AP1M2: variants seen among roughly 807,000 people sequenced by gnomAD.
AP1M2 encodes the protein AP-1 complex subunit mu-2.
Under a neutral mutation model 54.6 loss-of-function variants are expected in AP1M2, and 41 were observed. The observed-to-expected ratio is 0.75, with a 90% CI of 0.59 to 0.97. The LOEUF (loss-of-function observed/expected upper bound fraction) is 0.97. Ranked by LOEUF, AP1M2 falls within the 50% of genes least tolerant of loss-of-function variation. The pLI is 0.00. For missense variants in AP1M2, 507 were observed against 561.2 expected, an observed-to-expected ratio of 0.90 and a Z score of 0.98; for synonymous variants, 219 against 215.9, an observed-to-expected ratio of 1.01 and a Z score of -0.13.
Position 10,574,399 on chromosome 19 carries a change from G to A in AP1M2, c.1249+18C>T, listed in dbSNP as rs546487035. 6 of 1,541,912 alleles carry A rather than the reference G, an allele frequency of 3.9e-6. No individual in the cohort carries two copies. The South Asian group carries it at 6.0e-5, about 15-fold the overall frequency. On this transcript the variant is annotated intron_variant, in intron 11 of 11. Transcript: ENST00000250244. ...CCTTTCCCTCACCCCATTGTCCCCA[G>A]GAGCTGGGCTGCCTTACCGCCACTC...
At chr19:10,581,233 A>G (rs1452222800) in intron 6 of AP1M2, 33 bp downstream of exon 6, 1 of 1,589,530 alleles carries the variant, frequency 6.3e-7, no homozygotes, top group Non-Finnish European at 8.6e-7. Context: ...TCCCCTGTGC[A>G]TTTCTCAGAA....
In AP1M2 at chr19:10,587,227, G is replaced by T. The variant is rs534970231; in HGVS notation, c.5C>A (p.Ser2Tyr). The change falls in exon 1 of 12, where the codon TCC (serine) becomes TAC (tyrosine). Residue 2 changes from serine to tyrosine, a missense_variant. By Grantham distance (144) the Ser-to-Tyr change is moderately radical (BLOSUM62 -2). Transcript: ENST00000250244. Reference protein sequence around the residue: MSASAVFILDVK... With the variant: MYASAVFILDVK... ...GTCCAGAATGAAGACAGCCGAGGCG[G>T]ACATGGTGGCGGCCGAAGGACTTAG... The T allele has an allele frequency of 7.7e-6, 12 of 1,564,140 alleles. No homozygotes were observed. The South Asian group carries it at 1.1e-4, about 14-fold the overall frequency.
At chr19:10,585,286 A>AGAAAGAAAGAAAGAAGGAAGGAAGGAAG (rs1446294309) in intron 1 of AP1M2, among the ~76,000 whole-genome samples, 24 of 58,092 alleles carry the variant, frequency 4.1e-4, no homozygotes, top group Non-Finnish European at 9.6e-4. Context: ...GAAGAAAAAA[A>AGAAAGAAAGAAAGAAGGAAGGAAGGAAG]GAAAGAAAGA....
chr19:10,581,617 C>T lies in AP1M2; in HGVS notation c.416G>A (p.Ser139Asn). Reference sequence around the variant, plus strand: ...TGACTTGCCCGTCTCCAGCTTGTTGCTCTGCTGAGTGATGTACCTGGAGGG... The same window carrying T: ...TGACTTGCCCGTCTCCAGCTTGTTGTTCTGCTGAGTGATGTACCTGGAGGG... ...KILQEYITQQ[S>N]NKLETGKSRV... The change falls in exon 5 of 12, where the codon AGC becomes AAC. Residue 139 changes from serine (S) to asparagine (N), a missense_variant. Ser to Asn is a conservative substitution (Grantham distance 46). Transcript: ENST00000250244. 2 of 1,613,954 alleles carry T rather than the reference C, an allele frequency of 1.2e-6. No individual in the cohort carries two copies. The highest frequency in any genetic ancestry group is 1.7e-6 in the Non-Finnish European group (2 of 1,179,962).
rs776644129 is a variant in AP1M2 at position 10,581,836 on chromosome 19, G to A, written c.310C>T (p.Arg104Trp). 21 of 1,613,792 alleles carry A rather than the reference G, an allele frequency of 1.3e-5. No homozygotes were observed. Among genetic ancestry groups the A allele is most frequent in the South Asian group, 5.5e-5 (5 of 91,030 alleles). Residue 104 changes from arginine (R) to tryptophan (W), a missense_variant, in exon 4 of 12, where the codon CGG becomes TGG. Transcript: ENST00000250244. ...YFKELEEESIRDNFVIVYELL... is the reference protein window; with the variant it reads ...YFKELEEESIWDNFVIVYELL... ...TCGTAGACGATGACAAAGTTGTCCC[G>A]GATGCTCTCCTCCTCCAGCTCCTTG...
chr19:10,573,075 A>T lies in AP1M2; in HGVS notation c.1263T>A (p.Arg421=), dbSNP rs1404736676. 1 of 1,564,994 alleles carries T rather than the reference A, an allele frequency of 6.4e-7. No homozygotes were observed. Among genetic ancestry groups the T allele is most frequent in the East Asian group, 2.4e-5 (1 of 42,072 alleles). ...CCATCTCTTCTCCCTTCTAGCTGGT[A>T]CGAAGTTGGTAATCTGCAGAGAAAG... ...YITQSGDYQL[R]TS Residue 421 remains arginine (R), a synonymous_variant, in exon 12 of 12, where the codon CGT becomes CGA. Coordinates refer to ENST00000250244, the MANE Select transcript of AP1M2 (RefSeq NM_005498.5).
intron 1 of AP1M2, 121 bp downstream of exon 1, chr19:10,587,069 G>C: frequency 8.9e-7 from 1 of 1,127,938 alleles, no homozygotes; most frequent in Non-Finnish European, 1.3e-6. Flanking sequence ...GGATTCCCAG[G>C]GATTGCAGGG....
intron 3 of AP1M2, 74 bp from the exon 4 acceptor site, chr19:10,581,952 C>G: frequency 6.8e-7 from 1 of 1,470,116 alleles, no homozygotes; most frequent in Non-Finnish European, 9.0e-7. Flanking sequence ...GCCTGTAACC[C>G]CAGCACCTTG....
At chr19:10,584,407 C>T (rs1474240883) in intron 1 of AP1M2, among the ~76,000 whole-genome samples, 4 of 152,094 alleles carry the variant, frequency 2.6e-5, no homozygotes, top group African/African-American at 7.2e-5. Flanking sequence ...GGTGAAACCC[C>T]GTCTTTACTA....
intron 8 of AP1M2, among the ~76,000 whole-genome samples, chr19:10,578,258 G>A (rs1464470397): frequency 1.3e-5 from 2 of 152,288 alleles, no homozygotes; most frequent in Non-Finnish European, 2.9e-5. Context: ...CCTGGGCTGA[G>A]AGGGCATATG....
At chr19:10,584,932 A>C (rs1306446874) in intron 1 of AP1M2, 1 of 151,720 alleles carries the variant, frequency 6.6e-6, no homozygotes, top group African/African-American at 2.4e-5. Flanking sequence ...CAACAACAAA[A>C]AAAAAAAACA....
At chr19:10,585,263 G>GAA (rs1244854476) in intron 1 of AP1M2, among the ~76,000 whole-genome samples, 3 of 71,406 alleles carry the variant, frequency 4.2e-5, no homozygotes, top group East Asian at 7.2e-4. Flanking sequence ...AAGGAAAGAA[G>GAA]GAAAGAAAGA....
chr19:10,577,455 A>T (rs1917280446), intron 8 of AP1M2, 99 bp from the exon 9 acceptor site: 1 of 716,174 alleles, frequency 1.4e-6, no homozygotes, highest in Non-Finnish European at 1.9e-6. Context: ...TTTTTTTGAG[A>T]CGGAGTCTCA....
intron 9 of AP1M2, 46 bp downstream of exon 9, chr19:10,577,152 C>T: frequency 6.4e-7 from 1 of 1,565,024 alleles, no homozygotes; most frequent in Non-Finnish European, 8.7e-7. Flanking sequence ...CCACACTACT[C>T]CAGTCCCCTC....
rs765193185 is a variant in AP1M2 at position 10,577,231 on chromosome 19, T to C, written c.1014A>G (p.Arg338=). 2.5e-6 allele frequency: 4 copies of C among 1,613,360 alleles called. No homozygotes were observed. The highest frequency in any genetic ancestry group is 3.4e-6 in the Non-Finnish European group (4 of 1,179,720). The part of the protein sequence containing the change: ...SVGSAKYVPE[R]NVVIWSIKSF... Reference sequence around the variant, plus strand: ...ACTTAATACTCCAAATCACGACGTTTCTCTCCGGCACATACTTGGCGCTGC... The same window carrying C: ...ACTTAATACTCCAAATCACGACGTTCCTCTCCGGCACATACTTGGCGCTGC... Residue 338 remains arginine (R), a synonymous_variant, in exon 9 of 12, where the codon AGA becomes AGG. Transcript: ENST00000250244.
rs373760173 is a variant in AP1M2, at chr19:10,574,919, G to C, written c.1158C>G (p.Thr386=). 3 of 1,603,648 alleles carry C rather than the reference G, an allele frequency of 1.9e-6. No individual in the cohort carries two copies. The Admixed American group carries it at 5.1e-5, about 27-fold the overall frequency. Residue 386 remains threonine, a synonymous_variant, in exon 10 of 12, where the codon ACC becomes ACG. Transcript: ENST00000250244. ...CTTCTCTCACCTGGATCCCAGAGAC[G>C]GTGAAGTAGGGGATCTCAAACTTGA... The part of the protein sequence containing the change: ...IGVKFEIPYF[T]VSGIQVRYMK...
chr19:10,584,601 A>AG (rs1917570405), intron 1 of AP1M2, among the ~76,000 whole-genome samples: 1 of 151,140 alleles, frequency 6.6e-6, no homozygotes, highest in African/African-American at 2.4e-5. Context: ...AGAGAAAGAA[A>AG]GAAAGAAAGA....
chr19:10,583,906 G>A lies in AP1M2; in HGVS notation c.199+8C>T. The stretch of plus-strand genomic sequence containing the variant: ...CCCACCTCCAGGGACACCACGTGGG[G>A]TGGATACAGTAGAGGTTGCTGTGTT... On this transcript the variant is annotated splice_region_variant and intron_variant, in intron 2 of 11. Coordinates refer to ENST00000250244, the MANE Select transcript of AP1M2 (RefSeq NM_005498.5). 1.3e-6 allele frequency: 2 copies of A among 1,592,372 alleles called. No homozygotes were observed. The highest frequency in any genetic ancestry group is 8.6e-7 in the Non-Finnish European group (1 of 1,169,446).
At chr19:10,574,630 G>T in intron 10 of AP1M2, 138 bp from the exon 11 acceptor site, 4 of 804,714 alleles carry the variant, frequency 5.0e-6, no homozygotes, top group Non-Finnish European at 7.7e-6. Context: ...GTCTTAGGGG[G>T]ATGAGGTGGC....
Sources: allele counts gnomAD v4.1 joint callset (sites outside exome capture counted in the v4.1 genomes callset), GRCh38; gene constraint gnomAD v4.1.1; transcripts MANE v1.5; gene names NCBI Gene and HGNC (gene_info 2026-07-23, HGNC 2026-07-21).